DAZL: variants seen among roughly 807,000 people sequenced by gnomAD.
The protein encoded by DAZL is deleted in azoospermia-like.
Under a neutral mutation model 45.0 loss-of-function variants are expected in DAZL, and 4 were observed. The observed-to-expected ratio is 0.09, with a 90% CI of 0.04 to 0.20. The LOEUF is 0.20. Ranked by LOEUF, DAZL falls within the 10% of genes least tolerant of loss-of-function variation. DAZL has a pLI of 1.00. For synonymous variants in DAZL, 122 were observed against 112.4 expected, an observed-to-expected ratio of 1.09 and a Z score of -0.54; for missense variants, 326 against 351.3, an observed-to-expected ratio of 0.93 and a Z score of 0.58.
At chr3:16,590,786 T>A (rs1215566669) in intron 10 of DAZL, among the ~76,000 whole-genome samples, 3 of 151,906 alleles carry the variant, frequency 2.0e-5, no homozygotes, top group Non-Finnish European at 2.9e-5. Context: ...TATGATTCCA[T>A]ATACATGAAA....
intron 1 of DAZL, among the ~76,000 whole-genome samples, chr3:16,601,138 G>C (rs776233402): frequency 2.6e-5 from 4 of 152,200 alleles, no homozygotes; most frequent in Non-Finnish European, 5.9e-5. Flanking sequence ...GTTCAGTAAA[G>C]TAAGTCTTTT....
At chr3:16,602,548 T>C (rs886828536) in intron 1 of DAZL, among the ~76,000 whole-genome samples, 2 of 152,208 alleles carry the variant, frequency 1.3e-5, no homozygotes, top group African/African-American at 4.8e-5. Context: ...TCAACGCATT[T>C]TACAAAGCTA....
chr3:16,596,789 C>A lies in DAZL; in HGVS notation c.459G>T (p.Gln153His). Residue 153 changes from glutamine (Q) to histidine (H), a missense_variant, in exon 6 of 11, where the codon CAG (glutamine) becomes CAT (histidine). Gln to His is a conservative substitution (Grantham distance 24). Around this residue, in one of 3 missense-constraint regions of DAZL, gnomAD observed 227 missense variants for 216.6 expected, o/e 1.05. Coordinates refer to ENST00000399444, the MANE Select transcript of DAZL (RefSeq NM_001351.4). The part of the protein sequence containing the change: ...WTNPNTETYM[Q>H]PTTTMNPITQ... ...TTATAGGATTCATCGTGGTTGTGGG[C>A]TGCATATAAGTTTCAGTGTTTGGAT... 1 of 1,613,720 alleles carries A rather than the reference C, an allele frequency of 6.2e-7. No homozygotes were observed. Among genetic ancestry groups the A allele is most frequent in the Non-Finnish European group, 8.5e-7 (1 of 1,179,706 alleles).
Position 16,593,690 on chromosome 3 carries a change from C to T in DAZL, c.700G>A (p.Glu234Lys), listed in dbSNP as rs1246553005. The T allele has an allele frequency of 6.2e-7, 1 of 1,612,368 alleles. No individual in the cohort carries two copies. Among genetic ancestry groups the T allele is most frequent in the Admixed American group, 1.7e-5 (1 of 59,964 alleles). Reference protein sequence around the residue: ...EVVPNECSVHEATPPSGNGPQ... With the variant: ...EVVPNECSVHKATPPSGNGPQ... ...CCATTTCCAGAGGGTGGAGTAGCTT[C>T]ATGAACTGAACATTCATTTGGCACA... The change falls in exon 9 of 11, where the codon GAA (glutamate) becomes AAA (lysine). Residue 234 changes from glutamate (E) to lysine (K), a missense_variant. Glu to Lys is a moderately conservative substitution (Grantham distance 56). Coordinates refer to ENST00000399444, the MANE Select transcript of DAZL (RefSeq NM_001351.4).
rs113870916 is a variant in DAZL, at chr3:16,605,220, G to T, written c.-15C>A. ...CAACTCACCATGATGGCGGCAGGCA[G>T]CAGTTCCCGACCGGCTCCAGGAGGA... On this transcript the variant is annotated 5_prime_UTR_variant, in exon 1 of 11. The change creates a new upstream start codon in the 5' untranslated region. Transcript: ENST00000399444. 1.9e-6 allele frequency: 3 copies of T among 1,614,072 alleles called. No individual in the cohort carries two copies. In the Admixed American group the frequency reaches 5.0e-5, roughly 27 times the overall value.
At chr3:16,604,512 C>T (rs906681540) in intron 1 of DAZL, 6 of 1,513,792 alleles carry the variant, frequency 4.0e-6, no homozygotes, top group Admixed American at 4.3e-5. Flanking sequence ...TCAGCAAGTC[C>T]CCCGCAGCTG....
chr3:16,597,557 A>C lies in DAZL; in HGVS notation c.243-16T>G. 6.6e-7 allele frequency: 1 copy of C among 1,525,642 alleles called. No homozygotes were observed. The highest frequency in any genetic ancestry group is 9.1e-7 in the Non-Finnish European group (1 of 1,099,844). 94.5% of individuals were successfully genotyped at this position (1,525,642 alleles called of 1,614,324 possible). On this transcript the variant is annotated splice_polypyrimidine_tract_variant and intron_variant, in intron 3 of 10. Coordinates refer to ENST00000399444, the MANE Select transcript of DAZL (RefSeq NM_001351.4). ...AAATCCATAGCTATAAAGGCAGATA[A>C]ATGAAGTATAAAATCACCATCATAC...
intron 1 of DAZL, chr3:16,604,526 G>A (rs1025830888): frequency 4.0e-6 from 6 of 1,488,452 alleles, no homozygotes; most frequent in Non-Finnish European, 5.3e-6. Context: ...GCAGCTGACA[G>A]GCGCGAGGGG....
Position 16,588,625 on chromosome 3 carries a change from AG to A in DAZL, c.*34del. On this transcript the variant is annotated 3_prime_UTR_variant, in exon 11 of 11. Transcript: ENST00000399444. ...ACCTTTTAGCTTAATATTCAAAACC[AG>A]CAACTTCCCATGTAACTAGATAAGC... is the stretch of plus-strand genomic sequence containing the variant. The A allele has an allele frequency of 2.6e-6, 4 of 1,561,694 alleles. No individual in the cohort carries two copies. Among genetic ancestry groups the A allele is most frequent in the Non-Finnish European group, 3.5e-6 (4 of 1,132,622 alleles).
intron 1 of DAZL, 113 bp from the exon 2 acceptor site, chr3:16,598,711 T>G (rs1297662211): frequency 2.3e-5 from 27 of 1,191,872 alleles, no homozygotes; most frequent in Non-Finnish European, 2.8e-5. Flanking sequence ...ATTACTTTCA[T>G]TCTAAGTTAG....
In DAZL at chr3:16,598,802, T is replaced by TTTGA. The variant is rs149937594; in HGVS notation, c.4-205_4-204insTCAA. On this transcript the variant is annotated intron_variant, in intron 1 of 10. Coordinates refer to ENST00000399444, the MANE Select transcript of DAZL (RefSeq NM_001351.4). ...GGATATAGTACTTTTTTTTTTTTTT[T>TTTGA]GAGAGAGTCTCGCCCTTGTCACCCA... Among the ~76,000 whole-genome samples the TTTGA allele has an allele frequency of 5.2e-3, 763 of 146,414 alleles. 5 individuals are homozygous for TTTGA. The highest frequency in any genetic ancestry group is 0.01 in the Middle Eastern group (3 of 288).
rs1036520609 is a variant in DAZL at position 16,588,347 on chromosome 3, A to AT, written c.*312dup. The AT allele has an allele frequency of 1.5e-5, 5 of 325,122 alleles. No individual in the cohort carries two copies. The highest frequency in any genetic ancestry group is 2.4e-5 in the Non-Finnish European group (4 of 170,146). 20.1% of individuals were successfully genotyped at this position (325,122 alleles called of 1,614,324 possible). ...CCTTTCAAAATAGGTTTTTAAAAACATTTTTTTGAAAATCAGTATTTGCTT... is the reference window on the plus strand; with the variant it reads ...CCTTTCAAAATAGGTTTTTAAAAACATTTTTTTTGAAAATCAGTATTTGCTT... On this transcript the variant is annotated 3_prime_UTR_variant, in exon 11 of 11. Transcript: ENST00000399444.
intron 1 of DAZL, chr3:16,604,912 G>C: frequency 5.9e-6 from 4 of 680,118 alleles, no homozygotes; most frequent in Non-Finnish European, 7.3e-6. Context: ...CCGGGAAATG[G>C]GTGCCTCAAG....
In DAZL at chr3:16,594,525, C is replaced by A; in HGVS notation, c.621+8G>T. ...ACAGGAATTATATGTTTGGCTAATT[C>A]ACTTTACCGGAGGTACAACATAGCT... On this transcript the variant is annotated splice_region_variant and intron_variant, in intron 8 of 10. Transcript: ENST00000399444. 6.3e-7 allele frequency: 1 copy of A among 1,580,058 alleles called. No homozygotes were observed. The highest frequency in any genetic ancestry group is 1.2e-5 in the South Asian group (1 of 84,424).
chr3:16,597,084 A>G (rs1694611853), intron 4 of DAZL, 33 bp from the exon 5 acceptor site: 2 of 1,592,016 alleles, frequency 1.3e-6, no homozygotes, highest in Admixed American at 1.7e-5. Flanking sequence ...ACTAGAATCA[A>G]TTTTCAAGTC....
intron 1 of DAZL, among the ~76,000 whole-genome samples, chr3:16,598,802 T>TTGA (rs149937594): frequency 0.13 from 19,513 of 146,332 alleles, 1,688 homozygotes; most frequent in East Asian, 0.45. Context: ...TTTTTTTTTT[T>TTGA]GAGAGAGTCT....
intron 10 of DAZL, among the ~76,000 whole-genome samples, chr3:16,590,216 T>C (rs930090710): frequency 7.9e-6 from 1 of 126,494 alleles, no homozygotes; most frequent in Non-Finnish European, 1.9e-5. Flanking sequence ...ATACTATCTA[T>C]GTAGAATGAA....
chr3:16,588,774 C>A, intron 10 of DAZL, 61 bp from the exon 11 acceptor site: 1 of 1,340,394 alleles, frequency 7.5e-7, no homozygotes, highest in Non-Finnish European at 1.1e-6. Flanking sequence ...TACTATAGAT[C>A]TGAAAGTTGT....
At chr3:16,600,634 A>G (rs919086592) in intron 1 of DAZL, among the ~76,000 whole-genome samples, 1 of 152,230 alleles carries the variant, frequency 6.6e-6, no homozygotes, top group Admixed American at 6.5e-5. Context: ...TTCATTCAGA[A>G]ATCCCAAACA....
Sources: gnomAD v4.1 joint callset for allele counts (sites outside exome capture counted in the v4.1 genomes callset) on GRCh38, gnomAD v4.1.1 for gene constraint, gnomAD v4.1.1 regional missense constraint, MANE v1.5 for transcripts, NCBI Gene and HGNC (gene_info 2026-07-23, HGNC 2026-07-21) for gene names.